The following SI variants were observed in gnomAD, a reference collection of about 807,000 sequenced individuals.
SI encodes sucrase-isomaltase, intestinal.
Under a neutral mutation model 253.3 loss-of-function variants are expected in SI, and 235 were observed. The ratio of observed to expected loss-of-function variants is 0.93; its 90% CI spans 0.83 to 1.03. SI has a LOEUF of 1.03. SI is among the 50% of genes least tolerant of loss of function. The pLI, the probability that SI is intolerant of heterozygous loss-of-function variation, is 0.00. For missense variants in SI, 2,442 were observed against 2,211.1 expected, an observed-to-expected ratio of 1.10 and a Z score of -2.09; for synonymous variants, 819 against 712.0, an observed-to-expected ratio of 1.15 and a Z score of -2.39.
At chr3:164,998,423 AG>A (rs1718113794) in intron 38 of SI, 116 bp downstream of exon 38, 1 of 1,042,218 alleles carries the variant, frequency 9.6e-7, no homozygotes, top group Non-Finnish European at 1.5e-6. Context: ...TATGACATAA[AG>A]TACGATGTGA....
At chr3:164,993,040 T>C (rs1576872019) in intron 41 of SI, among the ~76,000 whole-genome samples, 1 of 151,902 alleles carries the variant, frequency 6.6e-6, no homozygotes, top group Non-Finnish European at 1.5e-5. Flanking sequence ...AATTTGTTTG[T>C]TCTTTTGTTG....
chr3:165,028,739 CAGG>C (rs1274478465), intron 25 of SI, among the ~76,000 whole-genome samples: 2 of 150,922 alleles, frequency 1.3e-5, no homozygotes, highest in African/African-American at 4.8e-5. Flanking sequence ...AAGCCACATG[CAGG>C]AGAATAAAAC....
intron 26 of SI, 37 bp downstream of exon 26, chr3:165,023,533 A>T: frequency 7.3e-7 from 1 of 1,362,606 alleles, no homozygotes; most frequent in Non-Finnish European, 1.1e-6. Context: ...ATCTCACAAG[A>T]TGAGTTAAGC....
In SI at chr3:165,039,886, C is replaced by G. The variant is rs1453466749; in HGVS notation, c.2244+1G>C. 6.2e-7 allele frequency: 1 copy of G among 1,606,158 alleles called. No homozygotes were observed. The highest frequency in any genetic ancestry group is 8.5e-7 in the Non-Finnish European group (1 of 1,173,050). On this transcript the variant is annotated splice_donor_variant, in intron 19 of 47. Coordinates refer to ENST00000264382, the MANE Select transcript of SI (RefSeq NM_001041.4). LOFTEE classifies it high-confidence loss of function. ...AAGGTTATTAAACCTGTAGAGCCTA[C>G]CTGTTTTAGAACAGGAGTAATAAGT...
chr3:165,082,827 A>G (rs1322968829), upstream of SI, among the ~76,000 whole-genome samples: 6 of 151,970 alleles, frequency 3.9e-5, no homozygotes, highest in East Asian at 9.6e-4. Context: ...ACAGAACTCA[A>G]ATGTGGTCAA....
intron 14 of SI, among the ~76,000 whole-genome samples, chr3:165,049,526 T>C (rs1713321236): frequency 6.6e-6 from 1 of 152,094 alleles, no homozygotes; most frequent in African/African-American, 2.4e-5. Context: ...AAAAATAACC[T>C]TTAACAATAT....
At chr3:164,979,942 T>C (rs1213770288) in intron 47 of SI, among the ~76,000 whole-genome samples, 2 of 151,898 alleles carry the variant, frequency 1.3e-5, no homozygotes, top group Non-Finnish European at 2.9e-5. Context: ...AAGTAGACTC[T>C]AGAGAGATTA....
chr3:165,040,177 A>C (rs1712745570), intron 18 of SI, among the ~76,000 whole-genome samples: 2 of 150,836 alleles, frequency 1.3e-5, no homozygotes, highest in Admixed American at 6.6e-5. Flanking sequence ...GGAAGAAGGA[A>C]GAAGGGGGGA....
chr3:164,982,875 C>A (rs1331226335), intron 46 of SI, 127 bp downstream of exon 46: 7 of 841,798 alleles, frequency 8.3e-6, no homozygotes, highest in African/African-American at 1.7e-5. Context: ...GGTCTTGAAC[C>A]CCTGGCCTCA....
At chr3:165,019,811 A>T (rs773597834) in intron 27 of SI, 41 bp from the exon 28 acceptor site, 25 of 1,528,934 alleles carry the variant, frequency 1.6e-5, no homozygotes, top group Non-Finnish European at 2.1e-5. Context: ...GTCAAAATAT[A>T]TGCAAAGTAG....
At chr3:165,061,469 T>C (rs187545795) in intron 9 of SI, among the ~76,000 whole-genome samples, 8 of 152,148 alleles carry the variant, frequency 5.3e-5, no homozygotes, top group African/African-American at 1.9e-4. Context: ...TTAGACATTG[T>C]AAATGATTAA....
At chr3:165,087,911 T>G in the SI span, among the ~76,000 whole-genome samples, 2 of 152,212 alleles carry the variant, frequency 1.3e-5, no homozygotes, top group Non-Finnish European at 1.5e-5. Context: ...GTACATTCTA[T>G]GAAGTTTTAA....
Position 164,992,178 on chromosome 3 carries a change from G to A in SI, c.4982C>T (p.Thr1661Ile), listed in dbSNP as rs202004001. ...VPNARWFDYH[T>I]GKDIGVRGQF... Reference sequence around the variant, plus strand: ...CCCCAGAATTCCTTAAATACTTACTGTATGGTAGTCAAACCACCGAGCATT... The same window carrying A: ...CCCCAGAATTCCTTAAATACTTACTATATGGTAGTCAAACCACCGAGCATT... Residue 1661 changes from threonine (T) to isoleucine (I), a missense_variant and splice_region_variant, in exon 43 of 48, where the codon ACA becomes ATA. Coordinates refer to ENST00000264382, the MANE Select transcript of SI (RefSeq NM_001041.4). The A allele has an allele frequency of 1.9e-6, 3 of 1,609,442 alleles. No homozygotes were observed. The highest frequency in any genetic ancestry group is 2.5e-6 in the Non-Finnish European group (3 of 1,177,546).
rs1159845019 is a variant in SI, at chr3:164,987,105, CA to C, written c.5197+32del. ...AAAGTAATGTGATAGAATACGACAT[CA>C]ATTAAATTTATCTACTAAATCGAGC... On this transcript the variant is annotated intron_variant, in intron 45 of 47. Transcript: ENST00000264382. The C allele has an allele frequency of 2.8e-6, 4 of 1,445,868 alleles. No individual in the cohort carries two copies. In the African/African-American group the frequency reaches 5.6e-5, roughly 20 times the overall value. The allele number at this position is 1,445,868 out of a possible 1,614,324, so 89.6% of individuals were successfully genotyped here.
At chr3:164,985,866 C>T (rs1376410144) in intron 45 of SI, among the ~76,000 whole-genome samples, 1 of 152,086 alleles carries the variant, frequency 6.6e-6, no homozygotes, top group Non-Finnish European at 1.5e-5. Context: ...GTCCTATAAT[C>T]TGCATTCTTA....
rs1214931135 is a variant in SI at position 165,037,979 on chromosome 3, G to A, written c.2347C>T (p.Pro783Ser). ...WRKQRVDMYLPADKIGLHLRG... is the reference protein window; with the variant it reads ...WRKQRVDMYLSADKIGLHLRG... ...AGATGTAATCCTATTTTGTCTGCTG[G>A]AAGATACATATCAACCCGTTGTTTC... Residue 783 changes from proline to serine, a missense_variant, in exon 21 of 48, where the codon CCA (proline) becomes TCA (serine). By Grantham distance (74) the Pro-to-Ser change is moderately conservative. Coordinates refer to ENST00000264382, the MANE Select transcript of SI (RefSeq NM_001041.4). 2.5e-6 allele frequency: 4 copies of A among 1,610,092 alleles called. No homozygotes were observed. The highest frequency in any genetic ancestry group is 3.4e-6 in the Non-Finnish European group (4 of 1,177,192).
Position 165,059,183 on chromosome 3 carries a change from T to G in SI, c.1263A>C (p.Lys421Asn), listed in dbSNP as rs1167510472. 6.2e-7 allele frequency: 1 copy of G among 1,612,720 alleles called. No homozygotes were observed. The highest frequency in any genetic ancestry group is 8.5e-7 in the Non-Finnish European group (1 of 1,179,234). Residue 421 changes from lysine to asparagine, a missense_variant, in exon 11 of 48, where the codon AAA becomes AAC. By Grantham distance (94) the Lys-to-Asn change is moderately conservative (BLOSUM62 0). Coordinates refer to ENST00000264382, the MANE Select transcript of SI (RefSeq NM_001041.4). ...TGATTATTACCAAGATGATGACATA[T>G]TTCTGTCCATGGTCATGCAAATCTT... ...FVQDLHDHGQKYVIILDPAIS... is the reference protein window; with the variant it reads ...FVQDLHDHGQNYVIILDPAIS...
chr3:165,066,081 C>T (rs182354702), intron 6 of SI, among the ~76,000 whole-genome samples: 8 of 152,000 alleles, frequency 5.3e-5, no homozygotes, highest in Admixed American at 2.0e-4. Context: ...AAGAATGGTG[C>T]ATCTATACTG....
intron 28 of SI, among the ~76,000 whole-genome samples, chr3:165,019,092 C>T (rs900379491): frequency 3.3e-5 from 5 of 151,444 alleles, no homozygotes; most frequent in Non-Finnish European, 7.4e-5. Flanking sequence ...AAATGTGTTG[C>T]ATTAACGAGA....
Sources: allele counts gnomAD v4.1 joint callset (sites outside exome capture counted in the v4.1 genomes callset), GRCh38; gene constraint gnomAD v4.1.1; transcripts MANE v1.5; gene names NCBI Gene and HGNC (gene_info 2026-07-23, HGNC 2026-07-21).